The following GALNT13 variants were observed in gnomAD, a reference collection of about 807,000 sequenced individuals.
GALNT13 encodes UDP-GalNAc:polypeptide N-acetylgalactosaminyltransferase 13.
GALNT13 carries 28 observed loss-of-function variants against 64.2 expected under a neutral mutation model. The observed-to-expected ratio is 0.44, with a 90% confidence interval of 0.32 to 0.60. The LOEUF is 0.60. GALNT13 is among the 20% of genes least tolerant of loss of function. GALNT13 has a pLI of 0.05. For synonymous variants in GALNT13, 214 were observed against 224.6 expected (o/e 0.95, Z 0.42); for missense variants, 577 against 669.8 (o/e 0.86, Z 1.53).
chr2:153,775,385 T>G, the GALNT13 span, among the ~76,000 whole-genome samples: 1 of 152,158 alleles, frequency 6.6e-6, no homozygotes. Context: ...TTTTTCAATA[T>G]ATTGCCAGAA....
At chr2:154,045,615 G>A (rs904351463) in intron 3 of GALNT13, among the ~76,000 whole-genome samples, 3 of 152,136 alleles carry the variant, frequency 2.0e-5, no homozygotes, top group African/African-American at 7.2e-5. Context: ...GGAGTAGATG[G>A]GAGAAAAGCA....
the GALNT13 span, among the ~76,000 whole-genome samples, chr2:153,866,370 G>A: frequency 6.6e-6 from 1 of 152,096 alleles, no homozygotes; most frequent in Admixed American, 6.5e-5. Flanking sequence ...CTGTACGAAA[G>A]GCACTGTGCT....
At chr2:153,632,885 T>A in the GALNT13 span, among the ~76,000 whole-genome samples, 1 of 152,116 alleles carries the variant, frequency 6.6e-6, no homozygotes, top group East Asian at 1.9e-4. Context: ...CCCAAGTAGC[T>A]GGGATTACAG....
chr2:153,259,643 C>G, the GALNT13 span, among the ~76,000 whole-genome samples: 1 of 152,056 alleles, frequency 6.6e-6, no homozygotes, highest in Non-Finnish European at 1.5e-5. Flanking sequence ...ATGCAGTTCC[C>G]CTGCACACGG....
intron 3 of GALNT13, among the ~76,000 whole-genome samples, chr2:154,005,309 A>G (rs1234843998): frequency 1.3e-5 from 2 of 152,140 alleles, no homozygotes; most frequent in Non-Finnish European, 2.9e-5. Flanking sequence ...AGTTTGATTC[A>G]TATTATATTT....
the GALNT13 span, among the ~76,000 whole-genome samples, chr2:153,204,021 T>C: frequency 6.6e-6 from 1 of 152,230 alleles, no homozygotes; most frequent in Non-Finnish European, 1.5e-5. Context: ...CAGTATCCTG[T>C]TGCATGCCTG....
intron 11 of GALNT13, among the ~76,000 whole-genome samples, chr2:154,434,947 G>A (rs533614314): frequency 5.3e-5 from 8 of 152,126 alleles, no homozygotes; most frequent in African/African-American, 1.7e-4. Context: ...TTTAAAAAAG[G>A]TAGTGTTCAA....
chr2:153,145,810 G>T, the GALNT13 span, among the ~76,000 whole-genome samples: 1 of 151,880 alleles, frequency 6.6e-6, no homozygotes, highest in Non-Finnish European at 1.5e-5. Flanking sequence ...ATACATAATA[G>T]TGAATGAGGA....
intron 3 of GALNT13, among the ~76,000 whole-genome samples, chr2:153,949,766 A>G (rs1368544298): frequency 6.6e-6 from 1 of 152,072 alleles, no homozygotes; most frequent in African/African-American, 2.4e-5. Flanking sequence ...AAATTGTCCA[A>G]AGGAAGAGAA....
chr2:153,493,504 T>G, the GALNT13 span, among the ~76,000 whole-genome samples: 14 of 152,100 alleles, frequency 9.2e-5, no homozygotes, highest in South Asian at 8.3e-4. Context: ...AAAAGCCTTC[T>G]TACTCAGAAA....
chr2:153,598,869 T>G, the GALNT13 span, among the ~76,000 whole-genome samples: 2 of 152,116 alleles, frequency 1.3e-5, no homozygotes, highest in African/African-American at 4.8e-5. Flanking sequence ...TTGTGATATC[T>G]GAAAAATTCT....
chr2:153,877,703 A>G (rs958817890), intron 1 of GALNT13, among the ~76,000 whole-genome samples: 1 of 152,140 alleles, frequency 6.6e-6, no homozygotes, highest in Non-Finnish European at 1.5e-5. Flanking sequence ...CAAAACCCCA[A>G]TGAAATACAA....
At chr2:153,607,430 A>G in the GALNT13 span, among the ~76,000 whole-genome samples, 1 of 152,290 alleles carries the variant, frequency 6.6e-6, no homozygotes, top group African/African-American at 2.4e-5. Context: ...GAGAAAATCC[A>G]TATTGAATAA....
At chr2:153,732,253 A>G in the GALNT13 span, among the ~76,000 whole-genome samples, 2 of 152,008 alleles carry the variant, frequency 1.3e-5, no homozygotes, top group Non-Finnish European at 2.9e-5. Flanking sequence ...CAGAAAACAA[A>G]TGATACCTTC....
At chr2:154,235,984 C>A in intron 4 of GALNT13, 3 of 854,302 alleles carry the variant, frequency 3.5e-6, no homozygotes, top group Non-Finnish European at 3.2e-6. Flanking sequence ...ATGATTCTGC[C>A]TCCATATTCT....
At chr2:153,834,804 A>G in the GALNT13 span, among the ~76,000 whole-genome samples, 1 of 152,136 alleles carries the variant, frequency 6.6e-6, no homozygotes, top group Non-Finnish European at 1.5e-5. Context: ...GAGGAAAGGA[A>G]CTGACAAAAC....
chr2:153,711,149 CAA>C, the GALNT13 span, among the ~76,000 whole-genome samples: 5 of 152,172 alleles, frequency 3.3e-5, no homozygotes, highest in African/African-American at 7.2e-5. Flanking sequence ...CTACTAAAGC[CAA>C]GTTTTTGAAA....
At chr2:153,166,443 A>G in the GALNT13 span, among the ~76,000 whole-genome samples, 2 of 152,166 alleles carry the variant, frequency 1.3e-5, no homozygotes, top group Non-Finnish European at 2.9e-5. Flanking sequence ...CTCCCAAACT[A>G]GGAGGGAGCT....
intron 1 of GALNT13, among the ~76,000 whole-genome samples, chr2:153,899,742 A>G (rs1015865970): frequency 1.3e-4 from 19 of 151,864 alleles, no homozygotes; most frequent in African/African-American, 4.3e-4. Context: ...TTTAACTGCT[A>G]TTTCTGCTTA....
Sources: allele counts gnomAD v4.1 joint callset (sites outside exome capture counted in the v4.1 genomes callset), GRCh38; gene constraint gnomAD v4.1.1; transcripts MANE v1.5; gene names NCBI Gene and HGNC (gene_info 2026-07-23, HGNC 2026-07-21).